PABPC4L: variants seen among roughly 807,000 people sequenced by gnomAD.
The protein encoded by PABPC4L is polyadenylate-binding protein 4-like.
For synonymous variants in PABPC4L, 169 were observed against 164.1 expected (o/e 1.03, Z -0.23); for missense variants, 452 against 451.4 (o/e 1.00, Z -0.01).
At chr4:133,955,557 A>G in the PABPC4L span, among the ~76,000 whole-genome samples, 2 of 152,198 alleles carry the variant, frequency 1.3e-5, no homozygotes, top group Non-Finnish European at 2.9e-5. Context: ...TTATACATAT[A>G]ATCCATAGGT....
At chr4:134,164,929 A>G in the PABPC4L span, among the ~76,000 whole-genome samples, 1 of 152,202 alleles carries the variant, frequency 6.6e-6, no homozygotes, top group Non-Finnish European at 1.5e-5. Context: ...TAAAAAAAGT[A>G]GATACATAGA....
the PABPC4L span, among the ~76,000 whole-genome samples, chr4:134,039,452 G>A: frequency 2.0e-5 from 3 of 152,050 alleles, no homozygotes; most frequent in African/African-American, 7.2e-5. Context: ...TTTTGTGGGA[G>A]TCTAAGTCTC....
At chr4:134,069,988 G>GTTTTTT in the PABPC4L span, among the ~76,000 whole-genome samples, 3 of 108,302 alleles carry the variant, frequency 2.8e-5, no homozygotes, top group East Asian at 3.3e-4. Flanking sequence ...CCTTTGGAGG[G>GTTTTTT]TTTTTTTTTT....
the PABPC4L span, among the ~76,000 whole-genome samples, chr4:134,146,963 T>C: frequency 6.6e-6 from 1 of 152,100 alleles, no homozygotes; most frequent in Non-Finnish European, 1.5e-5. Context: ...GGTCCCAGTC[T>C]TGTCTACTTA....
chr4:134,143,904 A>T, the PABPC4L span, among the ~76,000 whole-genome samples: 1 of 151,488 alleles, frequency 6.6e-6, no homozygotes, highest in Non-Finnish European at 1.5e-5. Context: ...CTCTACTTTT[A>T]TTATTTATAC....
the PABPC4L span, among the ~76,000 whole-genome samples, chr4:134,153,185 GTC>G: frequency 6.6e-6 from 1 of 152,114 alleles, no homozygotes; most frequent in East Asian, 1.9e-4. Context: ...ATTATAGCTT[GTC>G]TCTATTTTTT....
At chr4:134,032,296 G>A in the PABPC4L span, among the ~76,000 whole-genome samples, 54 of 151,798 alleles carry the variant, frequency 3.6e-4, no homozygotes, top group Non-Finnish European at 5.3e-4. Flanking sequence ...TTTAGTTATA[G>A]TATACATTTC....
chr4:134,041,359 T>C, the PABPC4L span, among the ~76,000 whole-genome samples: 3 of 151,748 alleles, frequency 2.0e-5, no homozygotes, highest in Non-Finnish European at 4.4e-5. Context: ...ATAAAGAAAA[T>C]ATGGCACATA....
the PABPC4L span, among the ~76,000 whole-genome samples, chr4:134,178,941 A>G: frequency 6.6e-6 from 1 of 152,238 alleles, no homozygotes; most frequent in Admixed American, 6.5e-5. Context: ...CCTGAGAGAG[A>G]GGAAGAGAAC....
At position 134,199,914 on chromosome 4, in the gene PABPC4L, C is replaced by A; in HGVS notation, c.1106G>T (p.Arg369Ile). 2 of 1,551,388 alleles carry A rather than the reference C, an allele frequency of 1.3e-6. No homozygotes were observed. The highest frequency in any genetic ancestry group is 1.7e-6 in the Non-Finnish European group (2 of 1,146,892). Residue 369 changes from arginine (R) to isoleucine (I), a missense_variant, in exon 2 of 2, where the codon AGA becomes ATA. By Grantham distance (97) the Arg-to-Ile change is moderately conservative (BLOSUM62 -3). Coordinates refer to ENST00000421491, the MANE Select transcript of PABPC4L (RefSeq NM_001114734.2). ...AAGGTACGTTTTTCTTTCCTAGTGT[C>A]TCTGGGCCAAGGCAATGCTAAGAGG... is the stretch of plus-strand genomic sequence containing the variant. ...SKPLSIALAQ[R>I]H
the PABPC4L span, among the ~76,000 whole-genome samples, chr4:134,050,890 T>A: frequency 9.9e-5 from 15 of 150,856 alleles, no homozygotes; most frequent in African/African-American, 3.1e-4. Context: ...ATTTTTTTTT[T>A]TTTTTTTTGT....
the PABPC4L span, among the ~76,000 whole-genome samples, chr4:134,124,860 A>C: frequency 6.6e-6 from 1 of 152,210 alleles, no homozygotes; most frequent in Non-Finnish European, 1.5e-5. Flanking sequence ...CCTCATGGGT[A>C]ATAATGTCAG....
At chr4:134,147,749 G>GTGTGTGTGTGTGTTGT in the PABPC4L span, among the ~76,000 whole-genome samples, 1 of 149,038 alleles carries the variant, frequency 6.7e-6, no homozygotes, top group African/African-American at 2.5e-5. Flanking sequence ...GTGTGTGTGT[G>GTGTGTGTGTGTGTTGT]TGTTGTTGTT....
At chr4:134,123,451 G>A in the PABPC4L span, among the ~76,000 whole-genome samples, 3 of 152,032 alleles carry the variant, frequency 2.0e-5, no homozygotes, top group African/African-American at 7.2e-5. Context: ...AGCCAGAAAG[G>A]TGCCTGTCAG....
At chr4:134,094,297 C>G in the PABPC4L span, among the ~76,000 whole-genome samples, 530 of 151,998 alleles carry the variant, frequency 3.5e-3, 20 homozygotes, top group East Asian at 0.09. Flanking sequence ...GCTGCCCCGC[C>G]CCATGCAGCA....
chr4:134,024,865 G>C, the PABPC4L span, among the ~76,000 whole-genome samples: 1 of 147,224 alleles, frequency 6.8e-6, no homozygotes, highest in Non-Finnish European at 1.5e-5. Flanking sequence ...GAACTCCTAG[G>C]CTCAAACGAT....
At chr4:134,050,343 A>T in the PABPC4L span, among the ~76,000 whole-genome samples, 1 of 152,256 alleles carries the variant, frequency 6.6e-6, no homozygotes, top group East Asian at 1.9e-4. Context: ...ACAATGAAAT[A>T]ATATCTTGAC....
chr4:134,090,728 A>C, the PABPC4L span, among the ~76,000 whole-genome samples: 42 of 151,806 alleles, frequency 2.8e-4, 1 homozygote, highest in African/African-American at 9.4e-4. Flanking sequence ...ATACCATTGC[A>C]CTCCAGCCTA....
chr4:134,157,628 T>A, the PABPC4L span, among the ~76,000 whole-genome samples: 2 of 151,988 alleles, frequency 1.3e-5, no homozygotes, highest in Middle Eastern at 3.4e-3. Flanking sequence ...ATTTATGAAA[T>A]ATTTCATCAT....
Sources: gnomAD v4.1 joint callset for allele counts (sites outside exome capture counted in the v4.1 genomes callset) on GRCh38, gnomAD v4.1.1 for gene constraint, MANE v1.5 for transcripts, NCBI Gene and HGNC (gene_info 2026-07-23, HGNC 2026-07-21) for gene names.